The following LOC128462377 variants were observed in gnomAD, a reference collection of about 807,000 sequenced individuals.
At chr16:89,323,260 T>C in the LOC128462377 span, 2 of 1,272,582 alleles carry the variant, frequency 1.6e-6, no homozygotes, top group Non-Finnish European at 2.1e-6. Flanking sequence ...AAGAGCTGCA[T>C]ACCTGGCAGG....
At chr16:89,384,879 C>CTTTTTTTTTTTTTTT in the LOC128462377 span, among the ~76,000 whole-genome samples, 374 of 49,940 alleles carry the variant, frequency 7.5e-3, 53 homozygotes, top group Middle Eastern at 0.019. Context: ...AAATAGTTTT[C>CTTTTTTTTTTTTTTT]TTTTTTTTTT....
At chr16:89,318,649 C>T in the LOC128462377 span, among the ~76,000 whole-genome samples, 8 of 152,234 alleles carry the variant, frequency 5.3e-5, no homozygotes, top group African/African-American at 7.2e-5. Context: ...TGCCCCTGGA[C>T]GCAGGCTTGG....
the LOC128462377 span, among the ~76,000 whole-genome samples, chr16:89,410,125 C>A: frequency 6.6e-6 from 1 of 152,176 alleles, no homozygotes; most frequent in South Asian, 2.1e-4. Context: ...AGGCGTGAGC[C>A]ACCGCGTCCA....
the LOC128462377 span, among the ~76,000 whole-genome samples, chr16:89,406,411 C>G: frequency 6.6e-6 from 1 of 152,230 alleles, no homozygotes; most frequent in Non-Finnish European, 1.5e-5. Flanking sequence ...CGCTCTGAGA[C>G]TTGCGGTCAG....
chr16:89,348,313 T>A, the LOC128462377 span, among the ~76,000 whole-genome samples: 1 of 152,228 alleles, frequency 6.6e-6, no homozygotes, highest in African/African-American at 2.4e-5. Context: ...TACACTACAT[T>A]GATTTTTAAA....
the LOC128462377 span, among the ~76,000 whole-genome samples, chr16:89,349,774 T>C: frequency 6.6e-6 from 1 of 151,832 alleles, no homozygotes; most frequent in African/African-American, 2.4e-5. Context: ...AAGACAAAAC[T>C]ATGAAGTTGG....
the LOC128462377 span, among the ~76,000 whole-genome samples, chr16:89,414,511 A>C: frequency 5.9e-5 from 9 of 152,222 alleles, no homozygotes; most frequent in Non-Finnish European, 1.2e-4. Flanking sequence ...GAAACAATTT[A>C]CAAACTAAAA....
the LOC128462377 span, among the ~76,000 whole-genome samples, chr16:89,396,570 A>G: frequency 5.3e-5 from 8 of 152,104 alleles, no homozygotes; most frequent in African/African-American, 1.9e-4. Context: ...CTAGAACAAC[A>G]TATTTACCAC....
the LOC128462377 span, among the ~76,000 whole-genome samples, chr16:89,379,462 T>G: frequency 6.6e-6 from 1 of 152,340 alleles, no homozygotes; most frequent in Admixed American, 6.5e-5. Context: ...AACCAGCTCA[T>G]GTAACTCTGC....
the LOC128462377 span, among the ~76,000 whole-genome samples, chr16:89,392,079 A>G: frequency 2.0e-5 from 3 of 152,280 alleles, no homozygotes; most frequent in East Asian, 5.8e-4. Context: ...TTGCTAGCCA[A>G]TCGGGACAAA....
chr16:89,322,420 C>T, the LOC128462377 span, among the ~76,000 whole-genome samples: 1 of 152,236 alleles, frequency 6.6e-6, no homozygotes, highest in Non-Finnish European at 1.5e-5. Context: ...GTGTAATGAC[C>T]ATTTAAATAT....
chr16:89,351,441 C>G, the LOC128462377 span, among the ~76,000 whole-genome samples: 1 of 152,196 alleles, frequency 6.6e-6, no homozygotes, highest in African/African-American at 2.4e-5. Flanking sequence ...GCAAATCACT[C>G]CAGGCATTCA....
At chr16:89,349,134 T>TTAAAAAAA in the LOC128462377 span, among the ~76,000 whole-genome samples, 1 of 16,576 alleles carries the variant, frequency 6.0e-5, no homozygotes, top group African/African-American at 2.8e-4. Context: ...TCTCAAAAAG[T>TTAAAAAAA]AAAAAAAAAA....
the LOC128462377 span, among the ~76,000 whole-genome samples, chr16:89,330,790 C>T: frequency 2.6e-5 from 4 of 151,414 alleles, no homozygotes; most frequent in South Asian, 2.1e-4. Flanking sequence ...CTGCAGAGAA[C>T]GGTGCTCCAC....
At chr16:89,362,314 G>A in the LOC128462377 span, among the ~76,000 whole-genome samples, 3 of 152,356 alleles carry the variant, frequency 2.0e-5, no homozygotes, top group Non-Finnish European at 4.4e-5. Flanking sequence ...CTGTCTGCCT[G>A]AGTGAAACCT....
the LOC128462377 span, among the ~76,000 whole-genome samples, chr16:89,400,985 G>A: frequency 5.3e-5 from 8 of 152,192 alleles, no homozygotes; most frequent in Admixed American, 3.3e-4. Context: ...GCCTGGCATG[G>A]CACCCAAGAC....
At chr16:89,361,844 C>A in the LOC128462377 span, among the ~76,000 whole-genome samples, 1 of 151,912 alleles carries the variant, frequency 6.6e-6, no homozygotes, top group Admixed American at 6.6e-5. Context: ...ACAAAACAAA[C>A]AAAAAAAATC....
the LOC128462377 span, among the ~76,000 whole-genome samples, chr16:89,356,353 A>G: frequency 6.6e-6 from 1 of 152,004 alleles, no homozygotes; most frequent in African/African-American, 2.4e-5. Context: ...GGTGAGAAGG[A>G]TGTGATCCAT....
the LOC128462377 span, among the ~76,000 whole-genome samples, chr16:89,338,456 T>A: frequency 1.3e-3 from 187 of 148,518 alleles, 2 homozygotes; most frequent in African/African-American, 4.4e-3. Context: ...GACCAGGCGC[T>A]GTGGCTCACA....
Sources: gnomAD v4.1 joint callset for allele counts (sites outside exome capture counted in the v4.1 genomes callset) on GRCh38, gnomAD v4.1.1 for gene constraint, MANE v1.5 for transcripts.